The following BORA variants were observed in gnomAD, a reference collection of about 807,000 sequenced individuals.
The protein encoded by BORA is protein aurora borealis.
BORA carries 26 observed loss-of-function variants against 55.8 expected under a neutral mutation model. The ratio of observed to expected loss-of-function variants is 0.47; its 90% CI spans 0.34 to 0.65. The LOEUF (loss-of-function observed/expected upper bound fraction) is 0.65. BORA is among the 30% of genes least tolerant of loss of function. BORA has a pLI of 0.01. For missense variants in BORA, 568 were observed against 671.5 expected (o/e 0.85, Z 1.70); for synonymous variants, 201 against 216.9 (o/e 0.93, Z 0.64).
chr13:72,730,896 A>C (rs1469636276), intron 2 of BORA, among the ~76,000 whole-genome samples: 5 of 106,028 alleles, frequency 4.7e-5, no homozygotes, highest in Non-Finnish European at 1.1e-4. Context: ...ACTAAAAAAA[A>C]AAAAAAAAAA....
At chr13:72,737,784 C>G (rs2032957473) in intron 4 of BORA, among the ~76,000 whole-genome samples, 178 bp from the exon 5 acceptor site, 1 of 152,100 alleles carries the variant, frequency 6.6e-6, no homozygotes, top group South Asian at 2.1e-4. Flanking sequence ...TATTAAGATT[C>G]CTCTTTATAT....
chr13:72,754,355 G>A (rs1360596554), intron 11 of BORA: 3 of 148,158 alleles, frequency 2.0e-5, no homozygotes, highest in African/African-American at 5.1e-5. Context: ...TCTGTCACCC[G>A]GGCTGGAGTG....
chr13:72,731,522 A>G (rs2032816299), intron 3 of BORA, 135 bp downstream of exon 3: 1 of 674,054 alleles, frequency 1.5e-6, no homozygotes, highest in African/African-American at 1.8e-5. Context: ...TTTCTATCTA[A>G]ATGAATGAGT....
rs142493260 is a variant in BORA at position 72,750,878 on chromosome 13, G to A, written c.1483-2812G>A. ...ATCTAGAACCCTGATAGGAGTAGCC[G>A]CAGTAACTCCTCCATGTTTAAAGGA... On this transcript the variant is annotated intron_variant, in intron 10 of 11. Coordinates refer to ENST00000390667, the MANE Select transcript of BORA (RefSeq NM_024808.5). 3.1e-3 allele frequency among the ~76,000 whole-genome samples: 475 copies of A among 152,216 alleles called. 9 individuals are homozygous for A. The South Asian group carries it at 0.043, about 14-fold the overall frequency.
chr13:72,750,115 T>C (rs79502270), intron 10 of BORA, among the ~76,000 whole-genome samples: 2,795 of 152,162 alleles, frequency 0.018, 84 homozygotes, highest in African/African-American at 0.063. Context: ...TGAGGAAGAA[T>C]TGAGAGGGAT....
chr13:72,732,278 A>G (rs1042695247), intron 3 of BORA, among the ~76,000 whole-genome samples: 3 of 152,196 alleles, frequency 2.0e-5, no homozygotes, highest in Admixed American at 2.0e-4. Flanking sequence ...TTGCTTGGTA[A>G]CATGATGACC....
chr13:72,756,083 A>G lies in BORA; in HGVS notation c.*867A>G, dbSNP rs1361216885. 1 of 397,486 alleles carries G rather than the reference A, an allele frequency of 2.5e-6. No individual in the cohort carries two copies. The highest frequency in any genetic ancestry group is 4.4e-6 in the Non-Finnish European group (1 of 225,712). The allele number at this position is 397,486 out of a possible 1,614,324, so 24.6% of individuals were successfully genotyped here. On this transcript the variant is annotated 3_prime_UTR_variant, in exon 12 of 12. Transcript: ENST00000390667. ...AAAAACTTATATCCATGTTGGGAGT[A>G]GATGGGTATATAACAGTTTGGAAAT...
At chr13:72,747,825 G>A (rs960177213) in intron 10 of BORA, among the ~76,000 whole-genome samples, 5 of 152,168 alleles carry the variant, frequency 3.3e-5, no homozygotes, top group Admixed American at 2.0e-4. Flanking sequence ...GAGCCACCGC[G>A]CCTGGCCTTA....
At chr13:72,749,711 T>C (rs1040644445) in intron 10 of BORA, among the ~76,000 whole-genome samples, 15 of 152,168 alleles carry the variant, frequency 9.9e-5, no homozygotes, top group Admixed American at 9.8e-4. Context: ...CCACTAGCTT[T>C]CCAAAGTTTT....
rs115125583 is a variant in BORA at position 72,733,929 on chromosome 13, A to G, written c.261-1031A>G. ...ATGGACATGGATGCAGCTGGAGGCCATTATTCTTAGCAAACTAATACAGGA... is the reference window on the plus strand; with the variant it reads ...ATGGACATGGATGCAGCTGGAGGCCGTTATTCTTAGCAAACTAATACAGGA... On this transcript the variant is annotated intron_variant, in intron 3 of 11. Transcript: ENST00000390667. Among the ~76,000 whole-genome samples the G allele has an allele frequency of 1.5e-3, 231 of 152,346 alleles. 1 individual carries two copies. The highest frequency in any genetic ancestry group is 5.4e-3 in the African/African-American group (223 of 41,580).
intron 10 of BORA, among the ~76,000 whole-genome samples, chr13:72,749,777 T>C (rs1289661447): frequency 6.6e-6 from 1 of 152,170 alleles, no homozygotes; most frequent in Non-Finnish European, 1.5e-5. Flanking sequence ...ATGTAGCATT[T>C]CTATCCCATT....
In BORA at chr13:72,746,568, T is replaced by C. The variant is rs1267734883; in HGVS notation, c.939T>C (p.Asn313=). The C allele has an allele frequency of 1.9e-6, 3 of 1,613,934 alleles. No homozygotes were observed. The highest frequency in any genetic ancestry group is 3.3e-5 in the Admixed American group (2 of 59,998). The change falls in exon 10 of 12, where the codon AAT becomes AAC. Residue 313 remains asparagine, a synonymous_variant. Transcript: ENST00000390667. ...GAACAAATTCTAATGGGATAACTAA[T>C]CCGTGTATCAGAAGTCCTTATATAG... ...SSGTNSNGIT[N]PCIRSPYIDG... is the part of the protein sequence containing the mutation.
Position 72,745,112 on chromosome 13 carries a change from A to C in BORA, c.643A>C (p.Ser215Arg). ...CTCCTTACCTTCGGCTTCTCCCGGA[A>C]GTCCTCACAGTGGTGTTCAAACATC... is the stretch of plus-strand genomic sequence containing the variant. ...SDSLPSASPGSPHSGVQTSLE... is the reference protein window; with the variant it reads ...SDSLPSASPGRPHSGVQTSLE... Residue 215 changes from serine to arginine, a missense_variant, in exon 8 of 12, where the codon AGT becomes CGT. By Grantham distance (110) the Ser-to-Arg change is moderately radical. Transcript: ENST00000390667. 6.2e-7 allele frequency: 1 copy of C among 1,614,154 alleles called. No individual in the cohort carries two copies. The highest frequency in any genetic ancestry group is 8.5e-7 in the Non-Finnish European group (1 of 1,179,986).
chr13:72,732,819 C>G (rs112268749), intron 3 of BORA, among the ~76,000 whole-genome samples: 237 of 152,228 alleles, frequency 1.6e-3, no homozygotes, highest in African/African-American at 5.4e-3. Context: ...TGTCTCATTT[C>G]TTCAATATAT....
intron 1 of BORA, chr13:72,728,298 C>A: frequency 1.5e-6 from 1 of 645,224 alleles, no homozygotes; most frequent in South Asian, 1.7e-5. Context: ...GCAAGTAATG[C>A]AGTCTCCCTT....
chr13:72,735,710 A>C (rs2032910054), intron 4 of BORA, among the ~76,000 whole-genome samples: 1 of 152,032 alleles, frequency 6.6e-6, no homozygotes, highest in Admixed American at 6.6e-5. Context: ...CCCAGGTTCA[A>C]GTGATTCTCC....
At position 72,746,949 on chromosome 13, in the gene BORA, GAT is replaced by G; in HGVS notation, c.1322_1323del (p.Ile441SerfsTer3). The G allele has an allele frequency of 1.2e-6, 2 of 1,614,124 alleles. No individual in the cohort carries two copies. The highest frequency in any genetic ancestry group is 1.7e-6 in the Non-Finnish European group (2 of 1,179,992). ...NTVDMVDPIE[I>X]ADETTWIKEP... is the part of the protein sequence containing the mutation. ...CTGTGGATATGGTTGATCCTATAGA[GAT>G]AGCAGATGAGACCACTTGGATTAAG... On this transcript the variant is annotated frameshift_variant, in exon 10 of 12. Coordinates refer to ENST00000390667, the MANE Select transcript of BORA (RefSeq NM_024808.5). LOFTEE classifies it high-confidence loss of function.
chr13:72,742,273 G>A (rs1239097432), intron 5 of BORA, among the ~76,000 whole-genome samples: 2 of 151,422 alleles, frequency 1.3e-5, no homozygotes, highest in African/African-American at 4.8e-5. Flanking sequence ...GGGTTTGTTT[G>A]GTCCCCTTGC....
chr13:72,744,924 A>ATAT, intron 7 of BORA, 57 bp from the exon 8 acceptor site: 1 of 1,495,792 alleles, frequency 6.7e-7, no homozygotes, highest in South Asian at 1.2e-5. Context: ...GAGTAACAGA[A>ATAT]GTATAATTGC....
Sources: gnomAD v4.1 joint callset for allele counts (sites outside exome capture counted in the v4.1 genomes callset) on GRCh38, gnomAD v4.1.1 for gene constraint, MANE v1.5 for transcripts, NCBI Gene and HGNC (gene_info 2026-07-23, HGNC 2026-07-21) for gene names.